ERBB3: variants seen among roughly 807,000 people sequenced by gnomAD.
ERBB3 encodes erb-b2 receptor tyrosine kinase 3, also known as receptor tyrosine-protein kinase erbB-3.
In ERBB3, 96 loss-of-function variants were observed where a neutral mutation model predicts 156.7. That is an observed-to-expected ratio of 0.61 (90% CI 0.52 to 0.73). The LOEUF is 0.73. Ranked by LOEUF, ERBB3 falls within the 30% of genes least tolerant of loss-of-function variation. ERBB3 has a pLI of 0.00. For missense variants in ERBB3, 1,406 were observed against 1,709.4 expected (o/e 0.82, Z 3.13); for synonymous variants, 567 against 632.0 (o/e 0.90, Z 1.54).
chr12:56,083,542 T>C (rs1868383523), intron 1 of ERBB3: 2 of 608,366 alleles, frequency 3.3e-6, no homozygotes, highest in African/African-American at 1.8e-5. Flanking sequence ...TTCCCATTCA[T>C]GGAATGGTAA....
rs778703567 is a variant in ERBB3, at chr12:56,097,935, G to T, written c.2611G>T (p.Ala871Ser). The change falls in exon 21 of 28, where the codon GCC becomes TCC. Residue 871 changes from alanine to serine, a missense_variant. Physicochemically the swap from Ala to Ser is moderately conservative, Grantham distance 99 (BLOSUM62 1). Transcript: ENST00000267101. Reference sequence around the variant, plus strand: ...TGATAAGCAGCTGCTATACAGTGAGGCCAAGGTGAGGAGACACAAAGGGTA... The same window carrying T: ...TGATAAGCAGCTGCTATACAGTGAGTCCAAGGTGAGGAGACACAAAGGGTA... ...PDDKQLLYSE[A>S]KTPIKWMALE... The T allele has an allele frequency of 3.1e-6, 5 of 1,613,194 alleles. No homozygotes were observed. Among genetic ancestry groups the T allele is most frequent in the Non-Finnish European group, 3.4e-6 (4 of 1,180,006 alleles).
chr12:56,097,294 G>C lies in ERBB3; in HGVS notation c.2460+64G>C. On this transcript the variant is annotated intron_variant, in intron 20 of 27. Coordinates refer to ENST00000267101, the MANE Select transcript of ERBB3 (RefSeq NM_001982.4). ...TTGTCTGGGGGCCAGCCAGGAAAAA[G>C]TGAGAAGGTTGAAGTTCTGAGAGGT... 2.6e-6 allele frequency: 4 copies of C among 1,537,356 alleles called. No individual in the cohort carries two copies. The South Asian group carries it at 4.5e-5, about 17-fold the overall frequency.
In ERBB3 at chr12:56,096,597, C is replaced by G. The variant is rs35961836; in HGVS notation, c.2150C>G (p.Ser717Trp). 1.9e-6 allele frequency: 3 copies of G among 1,614,122 alleles called. No homozygotes were observed. The highest frequency in any genetic ancestry group is 2.7e-5 in the African/African-American group (2 of 75,022). The change falls in exon 18 of 28, where the codon TCG (serine) becomes TGG (tryptophan). Residue 717 changes from serine (S) to tryptophan (W), a missense_variant. Ser to Trp is a radical substitution (Grantham distance 177). This residue lies in a region of ERBB3 where 979 missense variants were observed against 1,219.6 expected (regional missense o/e 0.80). Transcript: ENST00000267101. ...TELRKLKVLG[S>W]GVFGTVHKGV... Reference sequence around the variant, plus strand: ...CTAAGGAAGCTTAAAGTGCTTGGCTCGGGTGTCTTTGGAACTGTGCACAAA... The same window carrying G: ...CTAAGGAAGCTTAAAGTGCTTGGCTGGGGTGTCTTTGGAACTGTGCACAAA...
In ERBB3 at chr12:56,087,573, C is replaced by T; in HGVS notation, c.548-4C>T. The T allele has an allele frequency of 3.1e-6, 5 of 1,613,926 alleles. No individual in the cohort carries two copies. The highest frequency in any genetic ancestry group is 4.2e-6 in the Non-Finnish European group (5 of 1,179,768). Reference sequence around the variant, plus strand: ...CCCCTTGTGTTGCCTTCCTTCCCAACCAGGTCCCCCCTGTCATGAGGTTTG... The same window carrying T: ...CCCCTTGTGTTGCCTTCCTTCCCAATCAGGTCCCCCCTGTCATGAGGTTTG... On this transcript the variant is annotated splice_region_variant and splice_polypyrimidine_tract_variant and intron_variant, in intron 4 of 27. Coordinates refer to ENST00000267101, the MANE Select transcript of ERBB3 (RefSeq NM_001982.4).
chr12:56,096,255 C>G, intron 17 of ERBB3: 1 of 575,986 alleles, frequency 1.7e-6, no homozygotes, highest in East Asian at 3.0e-5. Flanking sequence ...TGTCCCCTTC[C>G]CCACTTTGTG....
rs4016497 is a variant in ERBB3, at chr12:56,102,806, TAAAAAAA to T, written c.*773_*779del. The T allele has an allele frequency of 1.6e-4, 9 of 56,132 alleles. No individual in the cohort carries two copies. The highest frequency in any genetic ancestry group is 2.1e-4 in the Non-Finnish European group (7 of 32,966). The allele number at this position is 56,132 out of a possible 1,614,324, so 3.5% of individuals were successfully genotyped here. A position where few individuals can be genotyped will look rare whatever the true frequency, so the allele number is the denominator to read the frequency against. The stretch of plus-strand genomic sequence containing the variant: ...CAACATAGTAAGACCCCCATCTCTT[TAAAAAAA>T]AAAAAAAAAAAAAAAAAAAAACTTT... On this transcript the variant is annotated 3_prime_UTR_variant, in exon 28 of 28. Coordinates refer to ENST00000267101, the MANE Select transcript of ERBB3 (RefSeq NM_001982.4).
intron 4 of ERBB3, 34 bp from the exon 5 acceptor site, chr12:56,087,543 G>C: frequency 6.3e-7 from 1 of 1,582,528 alleles, no homozygotes; most frequent in Non-Finnish European, 8.7e-7. Context: ...TCTTAGCCCT[G>C]ATGGCCCCTT....
At chr12:56,080,118 A>T (rs1290667080), upstream of ERBB3, 2 of 637,858 alleles carry the variant, frequency 3.1e-6, no homozygotes, top group African/African-American at 3.7e-5. Flanking sequence ...ACACACACAC[A>T]CCCCTCCCCT....
intron 3 of ERBB3, 26 bp from the exon 4 acceptor site, chr12:56,086,505 C>A: frequency 6.2e-7 from 1 of 1,613,896 alleles, no homozygotes; most frequent in Admixed American, 1.7e-5. Context: ...CGGCCCTTAA[C>A]CCTGTCACTT....
Position 56,086,610 on chromosome 12 carries a change from G to A in ERBB3, c.501G>A (p.Val167=). The change falls in exon 4 of 28, where the codon GTG becomes GTA. Residue 167 remains valine (V), a synonymous_variant. Coordinates refer to ENST00000267101, the MANE Select transcript of ERBB3 (RefSeq NM_001982.4). ...HMDTIDWRDI[V]RDRDAEIVVK... ...ACACAATTGACTGGAGGGACATCGT[G>A]AGGGACCGAGATGCTGAGATAGTGG... The A allele has an allele frequency of 1.2e-6, 2 of 1,614,156 alleles. No homozygotes were observed. The highest frequency in any genetic ancestry group is 1.7e-6 in the Non-Finnish European group (2 of 1,180,028).
chr12:56,095,982 TC>T, intron 17 of ERBB3, 176 bp downstream of exon 17: 1 of 710,248 alleles, frequency 1.4e-6, no homozygotes, highest in Non-Finnish European at 2.4e-6. Flanking sequence ...AGTAGTGTGG[TC>T]CCCTAGAAGA....
At position 56,095,731 on chromosome 12, in the gene ERBB3, C is replaced by A. The variant is rs746888057; in HGVS notation, c.1980C>A (p.Gly660=). The A allele has an allele frequency of 1.2e-6, 2 of 1,613,988 alleles. No individual in the cohort carries two copies. Among genetic ancestry groups the A allele is most frequent in the Non-Finnish European group, 1.7e-6 (2 of 1,180,002 alleles). ...TGGTAGTGATTTTCATGATGCTGGG[C>A]GGCACTTTTCTCTACTGGCGTGGGC... ...AGLVVIFMML[G]GTFLYWRGRR... is the part of the protein sequence containing the mutation. The change falls in exon 17 of 28, where the codon GGC becomes GGA. Residue 660 remains glycine (G), a synonymous_variant. Transcript: ENST00000267101.
At position 56,094,146 on chromosome 12, in the gene ERBB3, C is replaced by A. The variant is rs370634710; in HGVS notation, c.1661C>A (p.Pro554Gln). The A allele has an allele frequency of 5.0e-6, 8 of 1,613,918 alleles. No homozygotes were observed. Among genetic ancestry groups the A allele is most frequent in the African/African-American group, 1.3e-5 (1 of 74,864 alleles). Residue 554 changes from proline to glutamine, a missense_variant, in exon 14 of 28, where the codon CCG (proline) becomes CAG (glutamine). Transcript: ENST00000267101. ...AHEAECFSCH[P>Q]ECQPMEGTAT... The stretch of plus-strand genomic sequence containing the variant: ...GAGGCCGAATGCTTCTCCTGCCACC[C>A]GGAATGCCAACCCATGGAGGGCACT...
At chr12:56,086,354 G>T (rs1049447280) in intron 3 of ERBB3, among the ~76,000 whole-genome samples, 177 bp from the exon 4 acceptor site, 1 of 152,008 alleles carries the variant, frequency 6.6e-6, no homozygotes, top group Non-Finnish European at 1.5e-5. Context: ...AGTTTCTTTT[G>T]GCCTGACTCC....
In ERBB3 at chr12:56,093,468, C is replaced by G. The variant is rs2136809810; in HGVS notation, c.1398C>G (p.His466Gln). ...ISANRQLCYH[H>Q]SLNWTKVLRG... ...CCAATAGGCAGCTCTGCTACCACCA[C>G]TCTTTGAACTGGACCAAGGTGCTTC... Residue 466 changes from histidine to glutamine, a missense_variant, in exon 12 of 28, where the codon CAC (histidine) becomes CAG (glutamine). Physicochemically the swap from His to Gln is conservative, Grantham distance 24 (BLOSUM62 0). Around this residue, in one of 3 missense-constraint regions of ERBB3, gnomAD observed 979 missense variants for 1,219.6 expected, o/e 0.80. Coordinates refer to ENST00000267101, the MANE Select transcript of ERBB3 (RefSeq NM_001982.4). The G allele has an allele frequency of 6.2e-7, 1 of 1,614,026 alleles. No individual in the cohort carries two copies. The highest frequency in any genetic ancestry group is 8.5e-7 in the Non-Finnish European group (1 of 1,180,000).
At chr12:56,100,380 A>G (rs1869049748) in intron 26 of ERBB3, 135 bp downstream of exon 26, 1 of 766,290 alleles carries the variant, frequency 1.3e-6, no homozygotes, top group Admixed American at 1.9e-5. Context: ...GTTGGCTCAC[A>G]CCTGTAATCC....
chr12:56,097,910 T>C lies in ERBB3; in HGVS notation c.2586T>C (p.Asp862=), dbSNP rs893634661. The C allele has an allele frequency of 6.2e-7, 1 of 1,613,716 alleles. No homozygotes were observed. Among genetic ancestry groups the C allele is most frequent in the Non-Finnish European group, 8.5e-7 (1 of 1,180,020 alleles). ...GTGTGGCTGACCTGCTGCCTCCTGA[T>C]GATAAGCAGCTGCTATACAGTGAGG... ...DFGVADLLPP[D]DKQLLYSEAK... The change falls in exon 21 of 28, where the codon GAT becomes GAC. Residue 862 remains aspartate (D), a synonymous_variant. Coordinates refer to ENST00000267101, the MANE Select transcript of ERBB3 (RefSeq NM_001982.4).
intron 1 of ERBB3, 89 bp from the exon 2 acceptor site, chr12:56,083,662 G>GGGCA (rs1868386158): frequency 4.1e-5 from 61 of 1,483,618 alleles, no homozygotes; most frequent in South Asian, 2.6e-4. Context: ...AACTGGAAGA[G>GGGCA]GGCAACCAAG....
At chr12:56,101,475 T>C in intron 27 of ERBB3, 54 bp from the exon 28 acceptor site, 3 of 1,605,368 alleles carry the variant, frequency 1.9e-6, no homozygotes, top group Non-Finnish European at 2.6e-6. Context: ...TTTCAAACTT[T>C]CCCCTACCCT....
Sources: allele counts gnomAD v4.1 joint callset (sites outside exome capture counted in the v4.1 genomes callset), GRCh38; gene constraint gnomAD v4.1.1; regional missense constraint gnomAD v4.1.1; transcripts MANE v1.5; gene names NCBI Gene and HGNC (gene_info 2026-07-23, HGNC 2026-07-21).